LY96: variants seen among roughly 807,000 people sequenced by gnomAD.
The protein encoded by LY96 is lymphocyte antigen 96.
LY96 carries 18 observed loss-of-function variants against 18.9 expected under a neutral mutation model. The observed-to-expected ratio is 0.95, with a 90% CI of 0.66 to 1.41. The LOEUF (loss-of-function observed/expected upper bound fraction) is 1.41, where lower values mean the gene tolerates loss of function less well. LY96 is among the 40% of genes most tolerant of loss of function. The pLI, the probability that LY96 is intolerant of heterozygous loss-of-function variation, is 0.00. For missense variants in LY96, 175 were observed against 182.4 expected, an observed-to-expected ratio of 0.96 and a Z score of 0.23; for synonymous variants, 66 against 62.6, an observed-to-expected ratio of 1.06 and a Z score of -0.26.
downstream of LY96, chr8:74,029,222 T>G (rs1476829855): frequency 1.8e-6 from 1 of 570,174 alleles, no homozygotes; most frequent in Admixed American, 3.0e-5. Flanking sequence ...TGGTGCATCA[T>G]GCAGAGCCAC....
the LY96 span, among the ~76,000 whole-genome samples, chr8:74,080,513 A>G: frequency 1.3e-5 from 2 of 152,312 alleles, no homozygotes; most frequent in South Asian, 2.1e-4. Flanking sequence ...ATTGTAGAAG[A>G]ATTTGGAATT....
At chr8:74,058,676 C>T in the LY96 span, among the ~76,000 whole-genome samples, 3 of 152,004 alleles carry the variant, frequency 2.0e-5, no homozygotes, top group Admixed American at 6.6e-5. Context: ...TGTGCCATGA[C>T]GCTGGGCTAA....
rs1563710749 is a variant in LY96, at chr8:74,002,056, TTCCTTCCTTCCTTCCTTC to T, written c.113-2739_113-2722del. Among the ~76,000 whole-genome samples the T allele has an allele frequency of 6.2e-4, 26 of 42,240 alleles. 5 individuals carry two copies. The highest frequency in any genetic ancestry group is 4.6e-3 in the Admixed American group (15 of 3,292). 27.7% of individuals were successfully genotyped at this position (42,240 alleles called of 152,430 possible). ...CTTCCTTCCTTCCTTCCTTCCTTCCTTCCTTCCTTCCTTCCTTCCTTTCTTTCTTTCTTTCTTTCTCTC... is the reference window on the plus strand; with the variant it reads ...CTTCCTTCCTTCCTTCCTTCCTTCCTCTTTCTTTCTTTCTTTCTTTCTCTC... On this transcript the variant is annotated intron_variant, in intron 1 of 4. Coordinates refer to ENST00000284818, the MANE Select transcript of LY96 (RefSeq NM_015364.5).
downstream of LY96, among the ~76,000 whole-genome samples, chr8:74,031,969 A>G (rs1052717623): frequency 6.6e-6 from 1 of 152,082 alleles, no homozygotes; most frequent in African/African-American, 2.4e-5. Context: ...TACTAAAAAT[A>G]CAAAAATTAT....
At chr8:74,097,592 C>G in the LY96 span, among the ~76,000 whole-genome samples, 1 of 152,012 alleles carries the variant, frequency 6.6e-6, no homozygotes, top group Non-Finnish European at 1.5e-5. Flanking sequence ...GACTGTAGTC[C>G]CAGCTACTCA....
chr8:74,081,425 T>A, the LY96 span, among the ~76,000 whole-genome samples: 10 of 151,404 alleles, frequency 6.6e-5, no homozygotes, highest in African/African-American at 1.2e-4. Flanking sequence ...CTGGCTAATT[T>A]AAAATTTTTT....
At chr8:74,084,535 T>C in the LY96 span, among the ~76,000 whole-genome samples, 5 of 152,198 alleles carry the variant, frequency 3.3e-5, no homozygotes, top group African/African-American at 1.2e-4. Context: ...TTGTACCCCT[T>C]CTTCCCCAAC....
the LY96 span, among the ~76,000 whole-genome samples, chr8:74,076,652 A>C: frequency 6.6e-6 from 1 of 152,194 alleles, no homozygotes; most frequent in South Asian, 2.1e-4. Context: ...AATTGTGGGA[A>C]TATAGATACA....
the LY96 span, among the ~76,000 whole-genome samples, chr8:74,057,402 C>T: frequency 2.0e-5 from 3 of 152,184 alleles, no homozygotes; most frequent in Non-Finnish European, 4.4e-5. Context: ...TAGAAAATAT[C>T]ATGATGTTCT....
chr8:74,028,317 A>C (rs1214785523), intron 4 of LY96, among the ~76,000 whole-genome samples: 1 of 150,766 alleles, frequency 6.6e-6, no homozygotes, highest in Non-Finnish European at 1.5e-5. Flanking sequence ...TTTCCGCTTC[A>C]TTTTTTTTTC....
the LY96 span, among the ~76,000 whole-genome samples, chr8:74,057,470 T>G: frequency 6.6e-6 from 1 of 152,164 alleles, no homozygotes; most frequent in South Asian, 2.1e-4. Context: ...GGAAGGTCAT[T>G]TAAATTTGAT....
chr8:74,046,715 T>C, the LY96 span, among the ~76,000 whole-genome samples: 2 of 152,174 alleles, frequency 1.3e-5, no homozygotes, highest in Non-Finnish European at 2.9e-5. Flanking sequence ...AAGGCTATGC[T>C]TAAATAATGC....
chr8:74,062,395 C>G, the LY96 span, among the ~76,000 whole-genome samples: 2 of 150,618 alleles, frequency 1.3e-5, no homozygotes, highest in Non-Finnish European at 2.9e-5. Context: ...TCTCCCTCCC[C>G]GCACCCCAAC....
intron 3 of LY96, among the ~76,000 whole-genome samples, chr8:74,026,169 C>G (rs1351627374): frequency 6.6e-6 from 1 of 152,218 alleles, no homozygotes; most frequent in African/African-American, 2.4e-5. Flanking sequence ...TTTTTGGCCA[C>G]TGTTTCTTTT....
intron 2 of LY96, among the ~76,000 whole-genome samples, chr8:74,008,928 A>G (rs886401597): frequency 6.6e-6 from 1 of 152,174 alleles, no homozygotes; most frequent in African/African-American, 2.4e-5. Context: ...TTGCACCAAC[A>G]CCAAAGAAGG....
the LY96 span, among the ~76,000 whole-genome samples, chr8:74,081,122 T>TTTCTTTCC: frequency 0.01 from 1,275 of 124,224 alleles, 38 homozygotes; most frequent in African/African-American, 0.032. Context: ...TCTTTCTTTC[T>TTTCTTTCC]TTCCTTCCTT....
At chr8:74,034,592 A>G in the LY96 span, among the ~76,000 whole-genome samples, 1 of 152,188 alleles carries the variant, frequency 6.6e-6, no homozygotes, top group Non-Finnish European at 1.5e-5. Flanking sequence ...GTTCTGACAC[A>G]TAAATACTCT....
chr8:74,014,492 T>TTG (rs938955517), intron 3 of LY96, among the ~76,000 whole-genome samples: 4 of 151,276 alleles, frequency 2.6e-5, no homozygotes, highest in African/African-American at 9.7e-5. Context: ...AGGTTTTTTT[T>TTG]TTTTTTTTTT....
At chr8:74,020,084 G>A (rs7819708) in intron 3 of LY96, among the ~76,000 whole-genome samples, 45,546 of 151,958 alleles carry the variant, frequency 0.3, 9,324 homozygotes, top group African/African-American at 0.59. Flanking sequence ...ATAAGGCAAG[G>A]GAAAGAAATA....
Sources: gnomAD v4.1 joint callset for allele counts (sites outside exome capture counted in the v4.1 genomes callset) on GRCh38, gnomAD v4.1.1 for gene constraint, MANE v1.5 for transcripts, NCBI Gene and HGNC (gene_info 2026-07-23, HGNC 2026-07-21) for gene names.